The following CDCP1 variants were observed in gnomAD, a reference collection of about 807,000 sequenced individuals.
The protein encoded by CDCP1 is CUB domain containing protein 1, also known as CUB domain-containing protein 1.
A neutral mutation model predicts 60.2 loss-of-function variants in CDCP1; 29 were observed. The ratio of observed to expected loss-of-function variants is 0.48; its 90% CI spans 0.36 to 0.66. The LOEUF is 0.66. Ranked by LOEUF, CDCP1 falls within the 30% of genes least tolerant of loss-of-function variation. The pLI, the probability that CDCP1 is intolerant of heterozygous loss-of-function variation, is 0.00. For missense variants in CDCP1, 876 were observed against 1,074.3 expected (o/e 0.82, Z 2.58); for synonymous variants, 387 against 431.1 (o/e 0.90, Z 1.27).
chr3:45,136,404 C>T (rs1461171644), intron 1 of CDCP1, among the ~76,000 whole-genome samples: 3 of 152,154 alleles, frequency 2.0e-5, no homozygotes, highest in African/African-American at 7.2e-5. Flanking sequence ...AGGATGGGAA[C>T]AAAACTAGCT....
At chr3:45,089,451 GC>G (rs1698255356) in intron 7 of CDCP1, among the ~76,000 whole-genome samples, 2 of 152,266 alleles carry the variant, frequency 1.3e-5, no homozygotes, top group South Asian at 4.2e-4. Flanking sequence ...AGACCACCAT[GC>G]TGTGAGAAAG....
chr3:45,110,211 A>G (rs1698663474), intron 4 of CDCP1: 7 of 1,341,470 alleles, frequency 5.2e-6, no homozygotes, highest in African/African-American at 2.9e-5. Flanking sequence ...TGACCTTTCA[A>G]TGCCTTCGTT....
At chr3:45,119,556 T>C (rs547166437) in intron 1 of CDCP1, among the ~76,000 whole-genome samples, 9 of 152,350 alleles carry the variant, frequency 5.9e-5, no homozygotes, top group Admixed American at 3.3e-4. Context: ...TGTAGCACCA[T>C]GTTCTGGTAC....
At chr3:45,116,709 A>C (rs1379364203) in intron 2 of CDCP1, among the ~76,000 whole-genome samples, 1 of 152,170 alleles carries the variant, frequency 6.6e-6, no homozygotes, top group Non-Finnish European at 1.5e-5. Flanking sequence ...AGTTTTATAG[A>C]ACTCACTTGT....
chr3:45,109,489 G>A (rs1038094630), intron 4 of CDCP1, among the ~76,000 whole-genome samples: 10 of 152,048 alleles, frequency 6.6e-5, no homozygotes, highest in Admixed American at 1.3e-4. Flanking sequence ...TCTGAACAGC[G>A]TCCATCCTTA....
chr3:45,146,440 A>G, upstream of CDCP1: 1 of 567,242 alleles, frequency 1.8e-6, no homozygotes, highest in Non-Finnish European at 2.9e-6. Flanking sequence ...CAGGATCGCG[A>G]GCTGACCCGG....
intron 4 of CDCP1, among the ~76,000 whole-genome samples, chr3:45,102,935 T>C (rs904608008): frequency 6.6e-6 from 1 of 151,724 alleles, no homozygotes; most frequent in South Asian, 2.1e-4. Context: ...GCGTTGGGAT[T>C]ACAGGCGTGA....
chr3:45,096,685 G>A (rs1481635669), intron 4 of CDCP1, among the ~76,000 whole-genome samples: 1 of 138,118 alleles, frequency 7.2e-6, no homozygotes, highest in Admixed American at 7.5e-5. Flanking sequence ...ATATTGAGCA[G>A]AACAGCAAGT....
intron 7 of CDCP1, among the ~76,000 whole-genome samples, chr3:45,090,915 G>A (rs901720662): frequency 1.3e-5 from 2 of 152,190 alleles, no homozygotes; most frequent in African/African-American, 4.8e-5. Context: ...GCCAGTAGGT[G>A]CATGAATGAC....
At chr3:45,102,525 C>T (rs1040832110) in intron 4 of CDCP1, among the ~76,000 whole-genome samples, 2 of 150,294 alleles carry the variant, frequency 1.3e-5, no homozygotes, top group Admixed American at 6.7e-5. Context: ...AAATTATTTG[C>T]TGGGCATGGT....
chr3:45,111,300 T>C (rs528169523), intron 3 of CDCP1, among the ~76,000 whole-genome samples: 1 of 152,236 alleles, frequency 6.6e-6, no homozygotes, highest in Non-Finnish European at 1.5e-5. Flanking sequence ...TTAAAAATAA[T>C]TTATTTAATT....
Position 45,146,284 on chromosome 3 carries a change from C to A in CDCP1, c.4G>T (p.Ala2Ser), listed in dbSNP as rs1218379074. Residue 2 changes from alanine to serine, a missense_variant, in exon 1 of 9, where the codon GCC (alanine) becomes TCC (serine). Transcript: ENST00000296129. M[A>S]GLNCGVSIAL... Reference sequence around the variant, plus strand: ...ATAGAGACCCCGCAGTTCAGGCCGGCCATGACTCCGGGACGCCTCGGCCTC... The same window carrying A: ...ATAGAGACCCCGCAGTTCAGGCCGGACATGACTCCGGGACGCCTCGGCCTC... 1.3e-6 allele frequency: 2 copies of A among 1,579,790 alleles called. No individual in the cohort carries two copies. Among genetic ancestry groups the A allele is most frequent in the East Asian group, 2.5e-5 (1 of 40,076 alleles).
intron 1 of CDCP1, among the ~76,000 whole-genome samples, chr3:45,128,290 C>A (rs985858453): frequency 2.0e-5 from 3 of 152,242 alleles, no homozygotes; most frequent in African/African-American, 7.2e-5. Flanking sequence ...AGTGCAGAGA[C>A]AACTTGCTGC....
chr3:45,112,250 A>C lies in CDCP1; in HGVS notation c.488T>G (p.Ile163Ser). The change falls in exon 3 of 9, where the codon ATC becomes AGC. Residue 163 changes from isoleucine to serine, a missense_variant. Ile to Ser is a moderately radical substitution (Grantham distance 142). Transcript: ENST00000296129. ...CACGGTGGCATCGATTCGGCCGCTGATGGAGTGAGTGACTCCGTCTGGGCA... is the reference window on the plus strand; with the variant it reads ...CACGGTGGCATCGATTCGGCCGCTGCTGGAGTGAGTGACTCCGTCTGGGCA... ...ESCPDGVTHS[I>S]SGRIDATVVR... 1 of 1,614,186 alleles carries C rather than the reference A, an allele frequency of 6.2e-7. No individual in the cohort carries two copies. Among genetic ancestry groups the C allele is most frequent in the Non-Finnish European group, 8.5e-7 (1 of 1,180,040 alleles).
chr3:45,117,851 C>G (rs1559395929), intron 2 of CDCP1, among the ~76,000 whole-genome samples: 1 of 152,158 alleles, frequency 6.6e-6, no homozygotes, highest in Non-Finnish European at 1.5e-5. Context: ...TTAGTAGAGA[C>G]AGGGTTTCAC....
chr3:45,136,611 G>A (rs140485956), intron 1 of CDCP1, among the ~76,000 whole-genome samples: 1 of 152,236 alleles, frequency 6.6e-6, no homozygotes, highest in African/African-American at 2.4e-5. Flanking sequence ...GCTGCTCCAA[G>A]TCGAGAAGTC....
chr3:45,091,121 A>T lies in CDCP1; in HGVS notation c.1993+52T>A. ...TCTCCAGGCTTGCTCTCTATCCTCC[A>T]GCTGACAATTTTTTGTTCATCACTG... On this transcript the variant is annotated intron_variant, in intron 7 of 8. Coordinates refer to ENST00000296129, the MANE Select transcript of CDCP1 (RefSeq NM_022842.5). The surrounding 1 kb of genome is among the most constrained non-coding windows in gnomAD (Gnocchi z 4.8). 6.4e-7 allele frequency: 1 copy of T among 1,562,578 alleles called. No individual in the cohort carries two copies. Among genetic ancestry groups the T allele is most frequent in the Non-Finnish European group, 8.7e-7 (1 of 1,153,974 alleles).
chr3:45,110,057 G>A (rs150545622), intron 4 of CDCP1, among the ~76,000 whole-genome samples: 9 of 152,264 alleles, frequency 5.9e-5, no homozygotes, highest in Admixed American at 2.6e-4. Flanking sequence ...TGTAAGTGGC[G>A]TGCCTAACAC....
rs537081610 is a variant in CDCP1, at chr3:45,137,755, G to C, written c.82+8451C>G. ...GAATTGCCGGAACCTGGGAGGCAGA[G>C]GCTGCAGTGAGTCGAGATCATGCCA... On this transcript the variant is annotated intron_variant, in intron 1 of 8. Coordinates refer to ENST00000296129, the MANE Select transcript of CDCP1 (RefSeq NM_022842.5). 2.0e-5 allele frequency among the ~76,000 whole-genome samples: 3 copies of C among 151,648 alleles called. No homozygotes were observed. The East Asian group carries it at 5.8e-4, about 29-fold the overall frequency.
Sources: allele counts gnomAD v4.1 joint callset (sites outside exome capture counted in the v4.1 genomes callset), GRCh38; gene constraint gnomAD v4.1.1; non-coding constraint Gnocchi (gnomAD v3.1); transcripts MANE v1.5; gene names NCBI Gene and HGNC (gene_info 2026-07-23, HGNC 2026-07-21).